The following STRN3 variants were observed in gnomAD, a reference collection of about 807,000 sequenced individuals.
STRN3 encodes the protein striatin 3.
STRN3 carries 29 observed loss-of-function variants against 95.6 expected under a neutral mutation model. The ratio of observed to expected loss-of-function variants is 0.30; its 90% CI spans 0.23 to 0.41. The LOEUF is 0.41. Ranked by LOEUF, STRN3 falls within the 10% of genes least tolerant of loss-of-function variation. The pLI is 1.00. For missense variants in STRN3, 890 were observed against 972.1 expected (o/e 0.92, Z 1.12); for synonymous variants, 331 against 357.6 (o/e 0.93, Z 0.84).
chr14:30,895,682 C>T lies in STRN3; in HGVS notation c.2204G>A (p.Gly735Glu). The change falls in exon 17 of 18, where the codon GGA becomes GAA. Residue 735 changes from glycine to glutamate, a missense_variant. By Grantham distance (98) the Gly-to-Glu change is moderately conservative (BLOSUM62 -2). Around this residue, in one of 3 missense-constraint regions of STRN3, gnomAD observed 357 missense variants for 422.8 expected, o/e 0.84. Coordinates refer to ENST00000357479, the MANE Select transcript of STRN3 (RefSeq NM_001083893.2). ...CTTACTTCCAGACATCAAATAGATT[C>T]CATTAGGATCTACTGCTAGACTTGT... ...AVTSLAVDPNGIYLMSGSHDC... is the reference protein window; with the variant it reads ...AVTSLAVDPNEIYLMSGSHDC... 5.6e-6 allele frequency: 9 copies of T among 1,613,782 alleles called. No individual in the cohort carries two copies. Among genetic ancestry groups the T allele is most frequent in the Non-Finnish European group, 7.6e-6 (9 of 1,179,912 alleles).
At position 30,938,992 on chromosome 14, in the gene STRN3, T is replaced by C. The variant is rs78232894; in HGVS notation, c.717-2368A>G. 3.2e-3 allele frequency among the ~76,000 whole-genome samples: 482 copies of C among 152,208 alleles called. 18 individuals are homozygous for C. In the East Asian group the frequency reaches 0.082, roughly 26 times the overall value. On this transcript the variant is annotated intron_variant, in intron 5 of 17. Coordinates refer to ENST00000357479, the MANE Select transcript of STRN3 (RefSeq NM_001083893.2). ...GTTTCATGGATCCTGAAATAAGTCA[T>C]AAAATTGAGTCAGAGACAAGAATTC...
At chr14:30,936,307 G>C (rs1326932378) in intron 6 of STRN3, among the ~76,000 whole-genome samples, 188 bp downstream of exon 6, 1 of 152,142 alleles carries the variant, frequency 6.6e-6, no homozygotes, top group African/African-American at 2.4e-5. Flanking sequence ...TGCCCATTTA[G>C]TGAATAATAT....
At chr14:30,978,081 T>C (rs1028798884) in intron 1 of STRN3, among the ~76,000 whole-genome samples, 1 of 152,150 alleles carries the variant, frequency 6.6e-6, no homozygotes, top group African/African-American at 2.4e-5. Context: ...CTACTAAACA[T>C]TTGAGAATGA....
At chr14:30,942,023 G>A (rs955782319) in intron 5 of STRN3, among the ~76,000 whole-genome samples, 1 of 152,110 alleles carries the variant, frequency 6.6e-6, no homozygotes, top group African/African-American at 2.4e-5. Flanking sequence ...GGCTTTACTG[G>A]AATTCTGTGA....
intron 1 of STRN3, among the ~76,000 whole-genome samples, chr14:30,957,466 A>AGAG (rs1423265710): frequency 1.2e-3 from 3 of 2,606 alleles, no homozygotes; most frequent in African/African-American, 3.0e-3. Flanking sequence ...AAAAAAAAAA[A>AGAG]AAAGAGAGAG....
In STRN3 at chr14:30,929,241, T is replaced by C. The variant is rs142720956; in HGVS notation, c.1059A>G (p.Glu353=). ...VDQGLISKLK[E]QYKKERKGKK... ...TCCCCTTTCGTTCCTTCTTGTACTG[T>C]TCCTTCAGTTTACTTATTAGTCCCT... The change falls in exon 8 of 18, where the codon GAA becomes GAG. Residue 353 remains glutamate, a synonymous_variant. Transcript: ENST00000357479. 902 of 1,613,564 alleles carry C rather than the reference T, an allele frequency of 5.6e-4. 8 individuals are homozygous for C. In the African/African-American group the frequency reaches 0.01, roughly 18 times the overall value.
chr14:30,905,312 GC>G, intron 15 of STRN3, 105 bp downstream of exon 15: 1 of 1,094,906 alleles, frequency 9.1e-7, no homozygotes, highest in Non-Finnish European at 1.2e-6. Context: ...TAATTATTTT[GC>G]CATCCTAAAT....
In STRN3 at chr14:30,911,761, A is replaced by T. The variant is rs773144289; in HGVS notation, c.1598+16T>A. On this transcript the variant is annotated intron_variant, in intron 12 of 17. Transcript: ENST00000357479. ...TAATGATGATGTTAATTAAATACCA[A>T]TTCAGTAAAACTTACATGTGGGCCC... 5 of 1,597,512 alleles carry T rather than the reference A, an allele frequency of 3.1e-6. No individual in the cohort carries two copies. The highest frequency in any genetic ancestry group is 4.3e-6 in the Non-Finnish European group (5 of 1,171,750).
chr14:30,941,815 G>A (rs994173815), intron 5 of STRN3, among the ~76,000 whole-genome samples: 1 of 151,786 alleles, frequency 6.6e-6, no homozygotes, highest in African/African-American at 2.4e-5. Context: ...TAGTAGAGAT[G>A]GAGTTTCACC....
chr14:31,023,886 T>A (rs1267367853), intron 1 of STRN3, among the ~76,000 whole-genome samples: 1 of 144,612 alleles, frequency 6.9e-6, no homozygotes, highest in African/African-American at 2.5e-5. Context: ...AGAATCAGTA[T>A]GAAATAAAAA....
intron 1 of STRN3, among the ~76,000 whole-genome samples, chr14:30,976,097 T>C (rs1192083774): frequency 6.6e-6 from 1 of 152,084 alleles, no homozygotes; most frequent in Non-Finnish European, 1.5e-5. Context: ...GTGAATTATT[T>C]AAATAAGCCA....
chr14:30,920,133 C>T (rs551974884), intron 8 of STRN3, among the ~76,000 whole-genome samples: 5 of 152,084 alleles, frequency 3.3e-5, no homozygotes, highest in Non-Finnish European at 7.4e-5. Flanking sequence ...AGAACTATTA[C>T]GCATCTATGT....
intron 1 of STRN3, among the ~76,000 whole-genome samples, chr14:30,978,292 A>T (rs1881214213): frequency 6.6e-6 from 1 of 152,168 alleles, no homozygotes. Flanking sequence ...ACAAAGTAGG[A>T]TTTATTCCAG....
At chr14:30,937,473 T>C (rs17097591) in intron 5 of STRN3, among the ~76,000 whole-genome samples, 5,022 of 152,280 alleles carry the variant, frequency 0.033, 288 homozygotes, top group African/African-American at 0.11. Context: ...GAATCACTTA[T>C]TTAACAGGTA....
intron 6 of STRN3, 130 bp downstream of exon 6, chr14:30,936,365 C>T (rs1878818390): frequency 9.5e-7 from 1 of 1,053,528 alleles, no homozygotes; most frequent in African/African-American, 1.6e-5. Context: ...GAGCTGACCA[C>T]ATAAAACTTT....
In STRN3 at chr14:30,974,433, CAT is replaced by C. The variant is rs140123900; in HGVS notation, c.283-18193_283-18192del. Among the ~76,000 whole-genome samples, 1,436 of 151,984 alleles carry C rather than the reference CAT, an allele frequency of 9.4e-3. 27 individuals carry two copies. The highest frequency in any genetic ancestry group is 0.031 in the African/African-American group (1,299 of 41,490). ...GAAATTAAGACATAAATAAATGAAA[CAT>C]ATCTCATGTTAATGGATTATAAGAC... On this transcript the variant is annotated intron_variant, in intron 1 of 17. Coordinates refer to ENST00000357479, the MANE Select transcript of STRN3 (RefSeq NM_001083893.2).
rs536381639 is a variant in STRN3 at position 30,969,392 on chromosome 14, G to A, written c.283-13150C>T. On this transcript the variant is annotated intron_variant, in intron 1 of 17. Coordinates refer to ENST00000357479, the MANE Select transcript of STRN3 (RefSeq NM_001083893.2). Reference sequence around the variant, plus strand: ...GCGGAGCTTGCAATGAGCTGAGATCGCGCCACTGCACTCCAGTCTGGGCCA... The same window carrying A: ...GCGGAGCTTGCAATGAGCTGAGATCACGCCACTGCACTCCAGTCTGGGCCA... Among the ~76,000 whole-genome samples, 11 of 151,880 alleles carry A rather than the reference G, an allele frequency of 7.2e-5. No individual in the cohort carries two copies. In the East Asian group the frequency reaches 7.7e-4, roughly 11 times the overall value.
chr14:30,974,333 A>G (rs1880980104), intron 1 of STRN3, among the ~76,000 whole-genome samples: 1 of 152,168 alleles, frequency 6.6e-6, no homozygotes, highest in African/African-American at 2.4e-5. Context: ...TCACAATAGC[A>G]TCAAAAAGAA....
intron 1 of STRN3, among the ~76,000 whole-genome samples, chr14:31,019,062 C>T (rs1883379065): frequency 6.6e-6 from 1 of 152,170 alleles, no homozygotes. Context: ...TTAATCCCAG[C>T]ACTCCTGAGA....
Sources: allele counts gnomAD v4.1 joint callset (sites outside exome capture counted in the v4.1 genomes callset), GRCh38; gene constraint gnomAD v4.1.1; regional missense constraint gnomAD v4.1.1; transcripts MANE v1.5; gene names NCBI Gene and HGNC (gene_info 2026-07-23, HGNC 2026-07-21).